SLC2A9: variants seen among roughly 807,000 people sequenced by gnomAD.
SLC2A9 encodes the protein solute carrier family 2 member 9, also known as solute carrier family 2, facilitated glucose transporter member 9.
SLC2A9 carries 39 observed loss-of-function variants against 50.6 expected under a neutral mutation model. That is an observed-to-expected ratio of 0.77 (90% CI 0.60 to 1.01). SLC2A9 has a LOEUF of 1.01. Among genes scored for constraint, SLC2A9 ranks in the 50% least tolerant of loss-of-function variants. SLC2A9 has a pLI of 0.00. For synonymous variants in SLC2A9, 324 were observed against 276.9 expected (o/e 1.17, Z -1.69); for missense variants, 686 against 677.6 (o/e 1.01, Z -0.14).
At chr4:10,015,061 G>A (rs1419536047) in intron 2 of SLC2A9, among the ~76,000 whole-genome samples, 33 of 152,322 alleles carry the variant, frequency 2.2e-4, no homozygotes, top group Non-Finnish European at 1.6e-4. Context: ...GAGGGGTTGG[G>A]ACAGGATTCA....
At chr4:9,988,669 A>G (rs1040068122) in intron 3 of SLC2A9, among the ~76,000 whole-genome samples, 2 of 152,208 alleles carry the variant, frequency 1.3e-5, no homozygotes, top group African/African-American at 4.8e-5. Flanking sequence ...TCCACCTAGG[A>G]TGCCTGATTC....
At chr4:9,909,979 G>C (rs1039347349) in intron 7 of SLC2A9, among the ~76,000 whole-genome samples, 1 of 152,224 alleles carries the variant, frequency 6.6e-6, no homozygotes, top group African/African-American at 2.4e-5. Context: ...TTTATTGCCA[G>C]ATGTTTTTAG....
intron 5 of SLC2A9, among the ~76,000 whole-genome samples, chr4:9,949,577 C>A (rs1749823793): frequency 6.6e-6 from 1 of 152,198 alleles, no homozygotes; most frequent in Non-Finnish European, 1.5e-5. Flanking sequence ...AGAACAAGAG[C>A]CTGGCTCTTC....
In SLC2A9 at chr4:9,985,753, C is replaced by A; in HGVS notation, c.451G>T (p.Ala151Ser). 6.2e-7 allele frequency: 1 copy of A among 1,614,038 alleles called. No homozygotes were observed. Residue 151 changes from alanine to serine, a missense_variant, in exon 4 of 12, where the codon GCT (alanine) becomes TCT (serine). By Grantham distance (99) the Ala-to-Ser change is moderately conservative. Transcript: ENST00000264784. ...LLANNGFAISAALLMACSLQA... is the reference protein window; with the variant it reads ...LLANNGFAISSALLMACSLQA... ...AGCGAGCAGGCCATCAGCAATGCAG[C>A]AGAAATTGCAAACCCATTATTGGCC...
intron 1 of SLC2A9, among the ~76,000 whole-genome samples, chr4:10,030,337 G>C (rs1763899801): frequency 2.0e-5 from 3 of 152,016 alleles, no homozygotes; most frequent in African/African-American, 7.3e-5. Flanking sequence ...ACAATTATTT[G>C]TCAATCAAAA....
chr4:9,831,539 C>T (rs1292912886), intron 11 of SLC2A9, among the ~76,000 whole-genome samples: 2 of 152,232 alleles, frequency 1.3e-5, no homozygotes, highest in Non-Finnish European at 2.9e-5. Flanking sequence ...CTTGGCCCTA[C>T]ACCACTGTTG....
chr4:9,777,421 C>CATT (rs1240398925), downstream of SLC2A9, among the ~76,000 whole-genome samples: 2 of 151,774 alleles, frequency 1.3e-5, no homozygotes, highest in Non-Finnish European at 2.9e-5. Context: ...TTTCTATACT[C>CATT]ATTATAAAAA....
chr4:9,879,830 T>C (rs776622944), intron 10 of SLC2A9: 66 of 985,360 alleles, frequency 6.7e-5, no homozygotes, highest in Admixed American at 6.1e-5. Flanking sequence ...TCTTTTATTT[T>C]GCCTCATTTA....
chr4:9,923,557 G>A (rs73804455), intron 6 of SLC2A9, among the ~76,000 whole-genome samples: 5,432 of 152,220 alleles, frequency 0.036, 293 homozygotes, highest in African/African-American at 0.12. Context: ...GGCAGGGTTC[G>A]GCACAGCACG....
rs1726752331 is a variant in SLC2A9, at chr4:9,834,820, C to A, written c.1419+61G>T. The A allele has an allele frequency of 1.8e-5, 29 of 1,610,814 alleles. No individual in the cohort carries two copies. The South Asian group carries it at 3.1e-4, about 17-fold the overall frequency. Reference sequence around the variant, plus strand: ...GATCAACTTCTGCTCTATGAATCACCCCTCAAGTGCTGCAGAATCAAAGGG... The same window carrying A: ...GATCAACTTCTGCTCTATGAATCACACCTCAAGTGCTGCAGAATCAAAGGG... On this transcript the variant is annotated intron_variant, in intron 11 of 11. Transcript: ENST00000264784.
At chr4:10,025,178 C>G (rs1763709706), upstream of SLC2A9, among the ~76,000 whole-genome samples, 1 of 152,178 alleles carries the variant, frequency 6.6e-6, no homozygotes, top group African/African-American at 2.4e-5. Flanking sequence ...TAAATTTTCC[C>G]TGGAGTCACA....
chr4:9,781,597 G>A (rs548367019), intron 3 of SLC2A9: 1 of 159,994 alleles, frequency 6.3e-6, no homozygotes, highest in Non-Finnish European at 1.4e-5. Context: ...GGCGGGACGC[G>A]GGGCCTGGGA....
At chr4:9,782,491 G>GC in intron 3 of SLC2A9, 1 of 1,614,012 alleles carries the variant, frequency 6.2e-7, no homozygotes, top group Non-Finnish European at 8.5e-7. Flanking sequence ...AGATGACTCA[G>GC]CGCATGGCCT....
At chr4:9,803,470 G>T (rs528008575) in intron 3 of SLC2A9, among the ~76,000 whole-genome samples, 1 of 152,250 alleles carries the variant, frequency 6.6e-6, no homozygotes, top group African/African-American at 2.4e-5. Context: ...AGAAACTGAG[G>T]CTCAAAGAAC....
At chr4:9,990,841 T>C (rs1490343835) in intron 3 of SLC2A9, among the ~76,000 whole-genome samples, 1 of 152,174 alleles carries the variant, frequency 6.6e-6, no homozygotes, top group Non-Finnish European at 1.5e-5. Flanking sequence ...CCATTCTCAC[T>C]ATGCTTAGAA....
intron 10 of SLC2A9, among the ~76,000 whole-genome samples, chr4:9,876,381 C>T (rs1734323113): frequency 6.6e-6 from 1 of 152,046 alleles, no homozygotes; most frequent in Admixed American, 6.6e-5. Flanking sequence ...TAACTTGAGC[C>T]CAGGAGTTCC....
intron 3 of SLC2A9, among the ~76,000 whole-genome samples, chr4:9,812,799 C>G (rs1223183611): frequency 6.6e-6 from 1 of 152,174 alleles, no homozygotes; most frequent in Admixed American, 6.5e-5. Context: ...TTTTCTTTGC[C>G]TTTATTACTT....
intron 3 of SLC2A9, among the ~76,000 whole-genome samples, chr4:9,809,162 G>A (rs1198285002): frequency 1.3e-5 from 2 of 152,174 alleles, no homozygotes; most frequent in Non-Finnish European, 2.9e-5. Context: ...ATCTTGAGCA[G>A]GTCACAGATG....
At chr4:9,868,051 T>C (rs1055963945) in intron 10 of SLC2A9, among the ~76,000 whole-genome samples, 1 of 152,224 alleles carries the variant, frequency 6.6e-6, no homozygotes, top group African/African-American at 2.4e-5. Flanking sequence ...GTCTTTAGCC[T>C]CTGTCAGCCT....
Sources: allele counts gnomAD v4.1 joint callset (sites outside exome capture counted in the v4.1 genomes callset), GRCh38; gene constraint gnomAD v4.1.1; transcripts MANE v1.5; gene names NCBI Gene and HGNC (gene_info 2026-07-23, HGNC 2026-07-21).